The following IQCB1 variants were observed in gnomAD, a reference collection of about 807,000 sequenced individuals.
The protein encoded by IQCB1 is IQ calmodulin-binding motif-containing protein 1.
IQCB1 carries 56 observed loss-of-function variants against 84.4 expected under a neutral mutation model. The observed-to-expected ratio is 0.66, with a 90% CI of 0.54 to 0.83. The LOEUF (loss-of-function observed/expected upper bound fraction) is 0.83. IQCB1 is among the 40% of genes least tolerant of loss of function. The pLI is 0.00. For missense variants in IQCB1, 629 were observed against 682.1 expected (o/e 0.92, Z 0.87); for synonymous variants, 210 against 234.8 (o/e 0.89, Z 0.96).
intron 12 of IQCB1, among the ~76,000 whole-genome samples, chr3:121,782,556 GTTTT>G (rs1948546109): frequency 6.6e-6 from 1 of 151,684 alleles, no homozygotes; most frequent in Non-Finnish European, 1.5e-5. Context: ...TTTTTGTTTT[GTTTT>G]GTTTTTCATT....
At chr3:121,794,623 C>T (rs1004566980) in intron 10 of IQCB1, among the ~76,000 whole-genome samples, 23 of 151,978 alleles carry the variant, frequency 1.5e-4, no homozygotes, top group African/African-American at 5.6e-4. Context: ...CTGAAGAAAA[C>T]GTTCATCAAT....
At chr3:121,833,347 G>C (rs1031590230) in intron 2 of IQCB1, among the ~76,000 whole-genome samples, 1 of 152,190 alleles carries the variant, frequency 6.6e-6, no homozygotes, top group Non-Finnish European at 1.5e-5. Flanking sequence ...ATGAGTAAAT[G>C]CACAAACCTC....
intron 2 of IQCB1, among the ~76,000 whole-genome samples, chr3:121,831,334 G>A (rs1950630872): frequency 1.4e-5 from 2 of 142,260 alleles, no homozygotes; most frequent in South Asian, 2.1e-4. Flanking sequence ...CATGACGCTC[G>A]GCTAATTTTT....
chr3:121,809,406 A>T (rs1307314479), intron 5 of IQCB1, among the ~76,000 whole-genome samples: 1 of 152,040 alleles, frequency 6.6e-6, no homozygotes, highest in African/African-American at 2.4e-5. Context: ...GCACAAAGTT[A>T]GGTGGTTGAT....
chr3:121,832,217 GC>G (rs779978328), intron 2 of IQCB1, among the ~76,000 whole-genome samples: 1 of 151,988 alleles, frequency 6.6e-6, no homozygotes, highest in African/African-American at 2.4e-5. Context: ...TTTTGCAGAA[GC>G]TTTTCATACA....
At chr3:121,830,717 A>G (rs1297450038) in intron 2 of IQCB1, among the ~76,000 whole-genome samples, 1 of 152,070 alleles carries the variant, frequency 6.6e-6, no homozygotes, top group African/African-American at 2.4e-5. Flanking sequence ...AACAGAATCT[A>G]TTTCTGACTT....
In IQCB1 at chr3:121,787,941, T is replaced by TA. The variant is rs576392853; in HGVS notation, c.1278+342dup. 9.9e-4 allele frequency among the ~76,000 whole-genome samples: 151 copies of TA among 152,136 alleles called. 1 individual carries two copies. The highest frequency in any genetic ancestry group is 3.4e-3 in the Middle Eastern group (1 of 294). On this transcript the variant is annotated intron_variant, in intron 12 of 14. Transcript: ENST00000310864. ...AACAACTGAGTGAAAAGGGTAAGGG[T>TA]AAACATCTATTCATACATCAAGCAC... is the stretch of plus-strand genomic sequence containing the variant.
intron 5 of IQCB1, among the ~76,000 whole-genome samples, chr3:121,809,396 G>T (rs1949738214): frequency 6.6e-6 from 1 of 151,980 alleles, no homozygotes; most frequent in Non-Finnish European, 1.5e-5. Context: ...ATCTGTACTT[G>T]CACAAAGTTA....
At position 121,775,555 on chromosome 3, in the gene IQCB1, T is replaced by C. The variant is rs181975641; in HGVS notation, c.1411-2842A>G. Among the ~76,000 whole-genome samples the C allele has an allele frequency of 3.6e-3, 550 of 152,242 alleles. 4 individuals are homozygous for C. The highest frequency in any genetic ancestry group is 0.013 in the African/African-American group (526 of 41,542). ...AGGTTGATGGGTCCCAAACCACCCA[T>C]GGCACATGTATACCTATGTAACAAA... On this transcript the variant is annotated intron_variant, in intron 13 of 14. Transcript: ENST00000310864.
chr3:121,783,300 A>AT lies in IQCB1; in HGVS notation c.1279-1427dup, dbSNP rs149877888. Among the ~76,000 whole-genome samples the AT allele has an allele frequency of 8.6e-3, 1,298 of 150,962 alleles. 13 individuals carry two copies. Among genetic ancestry groups the AT allele is most frequent in the African/African-American group, 0.029 (1,200 of 41,234 alleles). On this transcript the variant is annotated intron_variant, in intron 12 of 14. Transcript: ENST00000310864. ...ATTTAGCTCCATCTATTTTTCTGTG[A>AT]TTTTTTTTTCAGATATAGGTATCAT...
At chr3:121,821,449 A>G (rs1187065491) in intron 5 of IQCB1, among the ~76,000 whole-genome samples, 1 of 152,162 alleles carries the variant, frequency 6.6e-6, no homozygotes, top group East Asian at 1.9e-4. Flanking sequence ...TTGGCTCCAC[A>G]AAGCTTTTTG....
chr3:121,828,474 A>G lies in IQCB1; in HGVS notation c.259T>C (p.Leu87=), dbSNP rs750343777. 6.8e-6 allele frequency: 11 copies of G among 1,612,214 alleles called. No homozygotes were observed. The highest frequency in any genetic ancestry group is 6.7e-5 in the Admixed American group (4 of 59,970). ...WTTISQLTQI[L]SHCCVGLEPG... ...TGACTTACTGCTTTATTTTACCTTA[A>G]TATCTGTGTAAGCTGGGAAATTGTA... Residue 87 remains leucine, a synonymous_variant, in exon 4 of 15, where the codon TTA becomes CTA. Transcript: ENST00000310864.
At chr3:121,792,819 A>G (rs1401512861) in intron 10 of IQCB1, among the ~76,000 whole-genome samples, 2 of 152,166 alleles carry the variant, frequency 1.3e-5, no homozygotes, top group Non-Finnish European at 2.9e-5. Context: ...ATTTATTATT[A>G]AATAACATCG....
In IQCB1 at chr3:121,788,412, G is replaced by A. The variant is rs760548277; in HGVS notation, c.1150C>T (p.Arg384Trp). Reference sequence around the variant, plus strand: ...AGTGCTGATTTCTCTTCCATTTCCCGATAGTGTTTCTCCACCTGACCTAAA... The same window carrying A: ...AGTGCTGATTTCTCTTCCATTTCCCAATAGTGTTTCTCCACCTGACCTAAA... ...VHPGQVEKHYREMEEKSALII... is the reference protein window; with the variant it reads ...VHPGQVEKHYWEMEEKSALII... Residue 384 changes from arginine (R) to tryptophan (W), a missense_variant, in exon 12 of 15, where the codon CGG (arginine) becomes TGG (tryptophan). Physicochemically the swap from Arg to Trp is moderately radical, Grantham distance 101 (BLOSUM62 -3). Coordinates refer to ENST00000310864, the MANE Select transcript of IQCB1 (RefSeq NM_001023570.4). The A allele has an allele frequency of 9.3e-6, 15 of 1,613,374 alleles. No homozygotes were observed. The East Asian group carries it at 1.1e-4, about 12-fold the overall frequency.
intron 8 of IQCB1, 128 bp downstream of exon 8, chr3:121,799,062 TGGTATC>T: frequency 1.6e-6 from 1 of 636,972 alleles, no homozygotes; most frequent in Non-Finnish European, 2.8e-6. Flanking sequence ...TTTTCTGAAT[TGGTATC>T]TGTTGTGAGT....
At chr3:121,772,838 T>C (rs1576529175) in intron 13 of IQCB1, 125 bp from the exon 14 acceptor site, 5 of 846,060 alleles carry the variant, frequency 5.9e-6, no homozygotes, top group Non-Finnish European at 8.0e-6. Context: ...TTATGATTGA[T>C]GTCTATCTTG....
At chr3:121,825,496 TG>T (rs1164604969) in intron 5 of IQCB1, among the ~76,000 whole-genome samples, 4 of 152,090 alleles carry the variant, frequency 2.6e-5, no homozygotes, top group African/African-American at 9.7e-5. Context: ...AATTAGAAAT[TG>T]ATAACAATAA....
intron 7 of IQCB1, among the ~76,000 whole-genome samples, chr3:121,805,012 T>C (rs1254543000): frequency 6.6e-6 from 1 of 152,196 alleles, no homozygotes; most frequent in East Asian, 1.9e-4. Context: ...ATCTCAGATA[T>C]TGTAGATTTC....
intron 7 of IQCB1, among the ~76,000 whole-genome samples, chr3:121,803,596 C>T (rs1242788089): frequency 1.3e-5 from 2 of 152,158 alleles, no homozygotes; most frequent in Admixed American, 6.5e-5. Flanking sequence ...TTGAGGATTT[C>T]TCCTTGTAGT....
Sources: gnomAD v4.1 joint callset for allele counts (sites outside exome capture counted in the v4.1 genomes callset) on GRCh38, gnomAD v4.1.1 for gene constraint, MANE v1.5 for transcripts, NCBI Gene and HGNC (gene_info 2026-07-23, HGNC 2026-07-21) for gene names.